The following MUSK variants were observed in gnomAD, a reference collection of about 807,000 sequenced individuals.
MUSK encodes the protein muscle associated receptor tyrosine kinase.
Under a neutral mutation model 88.7 loss-of-function variants are expected in MUSK, and 55 were observed. The observed-to-expected ratio is 0.62, with a 90% confidence interval of 0.50 to 0.78. The LOEUF is 0.78. MUSK is among the 30% of genes least tolerant of loss of function. The pLI is 0.00. For synonymous variants in MUSK, 387 were observed against 391.9 expected (o/e 0.99, Z 0.15); for missense variants, 1,015 against 1,074.3 (o/e 0.94, Z 0.77).
At chr9:110,688,442 G>C (rs762185110) in intron 3 of MUSK, among the ~76,000 whole-genome samples, 1 of 151,990 alleles carries the variant, frequency 6.6e-6, no homozygotes, top group East Asian at 1.9e-4. Context: ...TGTGAGGAAA[G>C]GTAGTTTCAT....
Position 110,774,978 on chromosome 9 carries a change from T to C in MUSK, c.1185-810T>C, listed in dbSNP as rs1330388440. Reference sequence around the variant, plus strand: ...TATGTTTAATTTATTTAATTATCTTTAATTTCCTCTTATTATTAACCCCAA... The same window carrying C: ...TATGTTTAATTTATTTAATTATCTTCAATTTCCTCTTATTATTAACCCCAA... On this transcript the variant is annotated intron_variant, in intron 9 of 14. Coordinates refer to ENST00000374448, the MANE Select transcript of MUSK (RefSeq NM_005592.4). Among the ~76,000 whole-genome samples, 5 of 152,322 alleles carry C rather than the reference T, an allele frequency of 3.3e-5. No homozygotes were observed. The East Asian group carries it at 7.7e-4, about 23-fold the overall frequency.
At position 110,734,389 on chromosome 9, in the gene MUSK, G is replaced by A; in HGVS notation, c.753+14G>A. 6.2e-7 allele frequency: 1 copy of A among 1,613,020 alleles called. No individual in the cohort carries two copies. The highest frequency in any genetic ancestry group is 8.5e-7 in the Non-Finnish European group (1 of 1,179,254). Reference sequence around the variant, plus strand: ...AACGGAAATGCTGTGAGTGTCATGTGTGTGGGGACTTGTCTGGGGAAGACC... The same window carrying A: ...AACGGAAATGCTGTGAGTGTCATGTATGTGGGGACTTGTCTGGGGAAGACC... On this transcript the variant is annotated intron_variant, in intron 6 of 14. Transcript: ENST00000374448.
At chr9:110,692,465 C>T (rs2076369560) in intron 3 of MUSK, among the ~76,000 whole-genome samples, 1 of 151,938 alleles carries the variant, frequency 6.6e-6, no homozygotes. Context: ...TGAGCCACTG[C>T]ACCCAGCCTA....
chr9:110,770,163 G>A (rs982283366), intron 9 of MUSK, among the ~76,000 whole-genome samples: 26 of 151,084 alleles, frequency 1.7e-4, no homozygotes, highest in African/African-American at 6.1e-4. Flanking sequence ...TTTGTGCTAC[G>A]AATTTCGCAG....
At chr9:110,756,787 C>A (rs1354354886) in intron 7 of MUSK, among the ~76,000 whole-genome samples, 1 of 152,052 alleles carries the variant, frequency 6.6e-6, no homozygotes, top group Non-Finnish European at 1.5e-5. Context: ...CAAATTGCAA[C>A]AAAGGTTGGG....
rs112627753 is a variant in MUSK at position 110,712,352 on chromosome 9, G to GT, written c.628+14890dup. ...ATCTGTTACACCAAACCATCCAGAGGTTTTCTCCCTGATCCTAATATATTG... is the reference window on the plus strand; with the variant it reads ...ATCTGTTACACCAAACCATCCAGAGGTTTTTCTCCCTGATCCTAATATATTG... On this transcript the variant is annotated intron_variant, in intron 5 of 14. Coordinates refer to ENST00000374448, the MANE Select transcript of MUSK (RefSeq NM_005592.4). Among the ~76,000 whole-genome samples the GT allele has an allele frequency of 4.6e-3, 697 of 152,036 alleles. 6 individuals carry two copies. The highest frequency in any genetic ancestry group is 0.016 in the African/African-American group (667 of 41,456).
Position 110,784,892 on chromosome 9 carries a change from G to A in MUSK, c.1462G>A (p.Val488Ile). 1 of 1,613,762 alleles carries A rather than the reference G, an allele frequency of 6.2e-7. No individual in the cohort carries two copies. Among genetic ancestry groups the A allele is most frequent in the African/African-American group, 1.3e-5 (1 of 75,008 alleles). Residue 488 changes from valine (V) to isoleucine (I), a missense_variant, in exon 12 of 15, where the codon GTC becomes ATC. Coordinates refer to ENST00000374448, the MANE Select transcript of MUSK (RefSeq NM_005592.4). ...TTCCTCCTCCTCTTCTTCCTTCTCT[G>A]TCTCACCTACATACTCCATGACTGT... ...LPSSSSSSFS[V>I]SPTYSMTVII...
At chr9:110,683,710 T>A (rs926207788) in intron 2 of MUSK, among the ~76,000 whole-genome samples, 1 of 152,114 alleles carries the variant, frequency 6.6e-6, no homozygotes, top group Admixed American at 6.6e-5. Context: ...TTGTAGTTTT[T>A]ATTTGCATTT....
chr9:110,734,415 C>T (rs754867604), intron 6 of MUSK, 40 bp downstream of exon 6: 32 of 1,612,076 alleles, frequency 2.0e-5, no homozygotes, highest in Non-Finnish European at 5.9e-6. Context: ...GGGGAAGACC[C>T]ATTGGTGGTG....
At chr9:110,785,888 G>GTATA (rs72478397) in intron 13 of MUSK, among the ~76,000 whole-genome samples, 170 bp downstream of exon 13, 1 of 147,436 alleles carries the variant, frequency 6.8e-6, no homozygotes, top group African/African-American at 2.5e-5. Context: ...CACTGTGTGT[G>GTATA]TATATATATA....
intron 8 of MUSK, 114 bp downstream of exon 8, chr9:110,762,322 G>A: frequency 2.9e-6 from 2 of 698,336 alleles, no homozygotes; most frequent in Non-Finnish European, 2.1e-6. Flanking sequence ...GTGCGGTGGA[G>A]TATGTTTTGT....
rs1191964511 is a variant in MUSK, at chr9:110,684,385, C to G, written c.206+1585C>G. Among the ~76,000 whole-genome samples the G allele has an allele frequency of 3.3e-5, 5 of 151,956 alleles. No homozygotes were observed. In the East Asian group the frequency reaches 9.6e-4, roughly 29 times the overall value. On this transcript the variant is annotated intron_variant, in intron 2 of 14. Transcript: ENST00000374448. Reference sequence around the variant, plus strand: ...AAAGTACTGTGCTGTTTTGGTTACTCTAGCTCTGTAGTATGATTTGAAGTA... The same window carrying G: ...AAAGTACTGTGCTGTTTTGGTTACTGTAGCTCTGTAGTATGATTTGAAGTA...
intron 3 of MUSK, among the ~76,000 whole-genome samples, chr9:110,690,292 A>G (rs1361847943): frequency 9.4e-6 from 1 of 106,000 alleles, no homozygotes; most frequent in Non-Finnish European, 1.7e-5. Context: ...AAATATATAT[A>G]AATATATATT....
chr9:110,769,590 T>C (rs2077538408), intron 9 of MUSK, among the ~76,000 whole-genome samples: 1 of 152,118 alleles, frequency 6.6e-6, no homozygotes, highest in Non-Finnish European at 1.5e-5. Flanking sequence ...TTTGAAAAAA[T>C]AGTGTCTCTG....
intron 6 of MUSK, among the ~76,000 whole-genome samples, chr9:110,739,265 A>G (rs577925622): frequency 1.3e-5 from 2 of 152,270 alleles, no homozygotes; most frequent in Admixed American, 1.3e-4. Flanking sequence ...ATAGATTAAA[A>G]TCATCAAAGA....
chr9:110,724,697 T>C (rs1203862286), intron 5 of MUSK, among the ~76,000 whole-genome samples: 1 of 152,042 alleles, frequency 6.6e-6, no homozygotes, highest in African/African-American at 2.4e-5. Flanking sequence ...ATATTCATCT[T>C]GTTTTTTAAT....
intron 5 of MUSK, among the ~76,000 whole-genome samples, chr9:110,712,836 T>A (rs1353283457): frequency 6.6e-6 from 1 of 152,158 alleles, no homozygotes; most frequent in Non-Finnish European, 1.5e-5. Flanking sequence ...GAAAGAGAGA[T>A]GTGGTTCATT....
intron 3 of MUSK, among the ~76,000 whole-genome samples, chr9:110,689,995 AT>A (rs994910842): frequency 4.3e-4 from 5 of 11,722 alleles, no homozygotes; most frequent in Admixed American, 7.2e-4. Flanking sequence ...TTATAATTAT[AT>A]ATTATATATT....
rs760810323 is a variant in MUSK at position 110,785,759 on chromosome 9, T to C, written c.1778+41T>C. 4.6e-6 allele frequency: 7 copies of C among 1,511,706 alleles called. No individual in the cohort carries two copies. The South Asian group carries it at 9.2e-5, about 20-fold the overall frequency. 93.6% of individuals were successfully genotyped at this position (1,511,706 alleles called of 1,614,324 possible). A position where few individuals can be genotyped will look rare whatever the true frequency, so the allele number is the denominator to read the frequency against. On this transcript the variant is annotated intron_variant, in intron 13 of 14. Transcript: ENST00000374448. ...GAAAAAAAAACTCCATTGAAATATG[T>C]TATGTCTGAAAAGCTACCAAACTAT...
Sources: allele counts gnomAD v4.1 joint callset (sites outside exome capture counted in the v4.1 genomes callset), GRCh38; gene constraint gnomAD v4.1.1; transcripts MANE v1.5; gene names NCBI Gene and HGNC (gene_info 2026-07-23, HGNC 2026-07-21).